Variants in RORA observed in about 807,000 individuals in gnomAD.
RORA encodes the protein RAR related orphan receptor A, also known as nuclear receptor ROR-alpha.
In RORA, 7 loss-of-function variants were observed where a neutral mutation model predicts 69.5. The ratio of observed to expected loss-of-function variants is 0.10; its 90% CI spans 0.06 to 0.19. RORA has a LOEUF of 0.19. Among genes scored for constraint, RORA ranks in the 10% least tolerant of loss-of-function variants. The pLI is 1.00. For synonymous variants in RORA, 261 were observed against 240.8 expected (o/e 1.08, Z -0.78); for missense variants, 457 against 663.0 (o/e 0.69, Z 3.41).
Position 61,057,980 on chromosome 15 carries a change from G to A in RORA, c.166+171073C>T, listed in dbSNP as rs139698450. On this transcript the variant is annotated intron_variant, in intron 1 of 10. Coordinates refer to ENST00000335670, the MANE Select transcript of RORA (RefSeq NM_134261.3). ...GATCCTGTGGGACTAAGGATTTTGC[G>A]AGTCATTCTTACATGAGTGTGGCTT... Among the ~76,000 whole-genome samples, 83 of 152,288 alleles carry A rather than the reference G, an allele frequency of 5.5e-4. 1 individual carries two copies. The East Asian group carries it at 8.9e-3, about 16-fold the overall frequency.
chr15:60,699,717 G>A (rs1039661286), intron 1 of RORA, among the ~76,000 whole-genome samples: 2 of 152,014 alleles, frequency 1.3e-5, no homozygotes, highest in Non-Finnish European at 2.9e-5. Context: ...AACACTTTCT[G>A]TAACAGATTA....
At chr15:60,503,408 A>T in intron 7 of RORA, 127 bp downstream of exon 7, 1 of 845,426 alleles carries the variant, frequency 1.2e-6, no homozygotes, top group Non-Finnish European at 1.8e-6. Flanking sequence ...ATTTCTGCTA[A>T]GAAAAACCTG....
At chr15:60,762,024 T>A (rs1169750847) in intron 1 of RORA, among the ~76,000 whole-genome samples, 1 of 152,164 alleles carries the variant, frequency 6.6e-6, no homozygotes, top group African/African-American at 2.4e-5. Context: ...ATTTTATCTT[T>A]AAAAACCCAG....
chr15:61,040,146 ATATATATATATATAT>A, intron 1 of RORA, among the ~76,000 whole-genome samples: 1 of 115,332 alleles, frequency 8.7e-6, no homozygotes, highest in East Asian at 3.1e-4. Flanking sequence ...ATATATATAT[ATATATATATATATAT>A]ATAAAATATA....
chr15:60,992,496 T>C (rs1894411785), intron 1 of RORA, among the ~76,000 whole-genome samples: 1 of 152,146 alleles, frequency 6.6e-6, no homozygotes, highest in African/African-American at 2.4e-5. Context: ...GAACAAAGAA[T>C]AGTCAAGACT....
chr15:60,885,143 G>A lies in RORA; in HGVS notation c.167-206457C>T, dbSNP rs2073737356. Among the ~76,000 whole-genome samples the A allele has an allele frequency of 2.6e-5, 4 of 152,288 alleles. No individual in the cohort carries two copies. In the South Asian group the frequency reaches 8.3e-4, roughly 32 times the overall value. ...TTCCACTGGCCTTGAATCTGGACTG[G>A]TCTATAATACTTTGACAAATGGAGT... On this transcript the variant is annotated intron_variant, in intron 1 of 10. Coordinates refer to ENST00000335670, the MANE Select transcript of RORA (RefSeq NM_134261.3).
chr15:60,888,796 C>T (rs539572060), intron 1 of RORA, among the ~76,000 whole-genome samples: 92 of 152,112 alleles, frequency 6.0e-4, no homozygotes, highest in African/African-American at 2.0e-3. Context: ...GAGAGGTGAA[C>T]CTGCTTCTTG....
intron 1 of RORA, among the ~76,000 whole-genome samples, chr15:61,079,559 A>T (rs1473095613): frequency 6.6e-6 from 1 of 152,038 alleles, no homozygotes; most frequent in Non-Finnish European, 1.5e-5. Context: ...TGATTTACCT[A>T]CTCAGTTTCA....
chr15:60,936,359 T>C (rs1159557536), intron 1 of RORA, among the ~76,000 whole-genome samples: 1 of 152,226 alleles, frequency 6.6e-6, no homozygotes, highest in African/African-American at 2.4e-5. Context: ...AGGCAACCTG[T>C]GAAGTGGCTC....
chr15:60,974,666 G>C (rs573786640), intron 1 of RORA, among the ~76,000 whole-genome samples: 82 of 152,274 alleles, frequency 5.4e-4, no homozygotes, highest in Non-Finnish European at 9.8e-4. Context: ...CTTGTAAGCG[G>C]ACAGGTATAG....
intron 1 of RORA, among the ~76,000 whole-genome samples, chr15:61,160,255 G>C (rs2079482891): frequency 6.6e-6 from 1 of 152,148 alleles, no homozygotes; most frequent in Non-Finnish European, 1.5e-5. Context: ...TTCCATTACT[G>C]ATGCTCATAA....
chr15:60,987,613 T>C (rs1460430707), intron 1 of RORA, among the ~76,000 whole-genome samples: 1 of 151,556 alleles, frequency 6.6e-6, no homozygotes, highest in African/African-American at 2.4e-5. Flanking sequence ...AGGATGTGTA[T>C]GATTTGTACA....
At chr15:60,509,463 C>T (rs1386190701) in intron 5 of RORA, among the ~76,000 whole-genome samples, 1 of 152,188 alleles carries the variant, frequency 6.6e-6, no homozygotes, top group African/African-American at 2.4e-5. Flanking sequence ...TGTCCGGGAG[C>T]CTCAGGGAAT....
intron 1 of RORA, among the ~76,000 whole-genome samples, chr15:61,183,573 G>A (rs1315964700): frequency 6.6e-6 from 1 of 151,346 alleles, no homozygotes; most frequent in African/African-American, 2.4e-5. Flanking sequence ...CTCATGGATG[G>A]ACAGAGAACA....
chr15:60,864,962 T>G (rs1376426488), intron 1 of RORA, among the ~76,000 whole-genome samples: 3 of 152,234 alleles, frequency 2.0e-5, no homozygotes, highest in Non-Finnish European at 4.4e-5. Flanking sequence ...TTACCTTGCC[T>G]CTTCCTTTGG....
chr15:61,076,744 T>C (rs189107212), intron 1 of RORA, among the ~76,000 whole-genome samples: 8 of 152,290 alleles, frequency 5.3e-5, no homozygotes, highest in Admixed American at 3.9e-4. Flanking sequence ...TCCAACCTAA[T>C]GGCATGTGAG....
At chr15:60,734,760 C>A (rs2071476564) in intron 1 of RORA, among the ~76,000 whole-genome samples, 1 of 152,198 alleles carries the variant, frequency 6.6e-6, no homozygotes, top group African/African-American at 2.4e-5. Context: ...GACTATTCAG[C>A]ATGGTGTAAA....
chr15:61,135,645 G>A (rs1320143943), intron 1 of RORA, among the ~76,000 whole-genome samples: 1 of 149,300 alleles, frequency 6.7e-6, no homozygotes, highest in Non-Finnish European at 1.5e-5. Context: ...CAAGATTCCA[G>A]TACATCCTTA....
At chr15:60,631,122 TCAGGTGATCCA>T (rs1049256610) in intron 2 of RORA, among the ~76,000 whole-genome samples, 1 of 152,106 alleles carries the variant, frequency 6.6e-6, no homozygotes, top group Non-Finnish European at 1.5e-5. Flanking sequence ...TCTCCTGACC[TCAGGTGATCCA>T]CCCGCCTCGG....
Sources: allele counts gnomAD v4.1 joint callset (sites outside exome capture counted in the v4.1 genomes callset), GRCh38; gene constraint gnomAD v4.1.1; transcripts MANE v1.5; gene names NCBI Gene and HGNC (gene_info 2026-07-23, HGNC 2026-07-21).